ZNF410: variants seen among roughly 807,000 people sequenced by gnomAD.
ZNF410 encodes another partner for ARF 1.
In ZNF410, 18 loss-of-function variants were observed where a neutral mutation model predicts 54.8. The ratio of observed to expected loss-of-function variants is 0.33; its 90% CI spans 0.23 to 0.49. The LOEUF (loss-of-function observed/expected upper bound fraction) is 0.49. Ranked by LOEUF, ZNF410 falls within the 20% of genes least tolerant of loss-of-function variation. The pLI is 0.99. For missense variants in ZNF410, 405 were observed against 569.6 expected (o/e 0.71, Z 2.94); for synonymous variants, 191 against 207.3 (o/e 0.92, Z 0.68).
At chr14:73,912,077 G>A (rs1161987724) in intron 8 of ZNF410, among the ~76,000 whole-genome samples, 2 of 152,066 alleles carry the variant, frequency 1.3e-5, no homozygotes, top group African/African-American at 4.8e-5. Context: ...TGTCACATCA[G>A]GAAGCTCACA....
chr14:73,923,139 T>G (rs2055778982), intron 10 of ZNF410, among the ~76,000 whole-genome samples: 1 of 152,216 alleles, frequency 6.6e-6, no homozygotes, highest in Admixed American at 6.5e-5. Context: ...TCATACATAG[T>G]TTTAATTCAG....
chr14:73,901,751 C>T (rs1409104483), intron 5 of ZNF410, among the ~76,000 whole-genome samples: 2 of 150,856 alleles, frequency 1.3e-5, no homozygotes, highest in Non-Finnish European at 3.0e-5. Context: ...ATGGCAAAAC[C>T]CCATCTCTAC....
chr14:73,911,000 T>A (rs78002643), intron 8 of ZNF410, among the ~76,000 whole-genome samples: 11,802 of 152,070 alleles, frequency 0.078, 710 homozygotes, highest in African/African-American at 0.17. Context: ...TAGACTAGCC[T>A]TGTAAGTTTG....
intron 3 of ZNF410, chr14:73,894,395 G>T: frequency 1.4e-6 from 1 of 702,316 alleles, no homozygotes; most frequent in Admixed American, 2.0e-5. Context: ...GGAAAGTCAG[G>T]CTGCAGTGAC....
chr14:73,904,097 C>T lies in ZNF410; in HGVS notation c.718C>T (p.Leu240Phe). ...ATGGCCAGCTCACTTTAAATACCAC[C>T]TCAAGACTCATCGGTGAGCAAATCC... is the stretch of plus-strand genomic sequence containing the variant. ...FVWPAHFKYH[L>F]KTHRNDRSFI... The change falls in exon 6 of 12, where the codon CTC becomes TTC. Residue 240 changes from leucine to phenylalanine, a missense_variant. Physicochemically the swap from Leu to Phe is conservative, Grantham distance 22. Around this residue, in one of 3 missense-constraint regions of ZNF410, gnomAD observed 247 missense variants for 342.8 expected, o/e 0.72. Coordinates refer to ENST00000555044, the MANE Select transcript of ZNF410 (RefSeq NM_021188.3). 1 of 1,613,350 alleles carries T rather than the reference C, an allele frequency of 6.2e-7. No homozygotes were observed. The highest frequency in any genetic ancestry group is 8.5e-7 in the Non-Finnish European group (1 of 1,179,684).
rs151097129 is a variant in ZNF410, at chr14:73,926,646, G to T, written c.1398+3124G>T. ...GACGGGCTTTTACCATGTTGGCCAG[G>T]CTGGTCCCAAACTCCTGACCTCAAG... is the stretch of plus-strand genomic sequence containing the variant. On this transcript the variant is annotated intron_variant, in intron 11 of 11. Transcript: ENST00000555044. 7.2e-4 allele frequency among the ~76,000 whole-genome samples: 109 copies of T among 152,226 alleles called. 1 individual carries two copies. The highest frequency in any genetic ancestry group is 2.6e-3 in the African/African-American group (106 of 41,516).
chr14:73,892,438 A>T (rs1445468590), intron 2 of ZNF410, among the ~76,000 whole-genome samples: 1 of 151,728 alleles, frequency 6.6e-6, no homozygotes, highest in Non-Finnish European at 1.5e-5. Flanking sequence ...ATACATTTAG[A>T]TAATGTAATA....
chr14:73,925,833 A>T (rs144327034), intron 11 of ZNF410, among the ~76,000 whole-genome samples: 2,185 of 152,108 alleles, frequency 0.014, 47 homozygotes, highest in African/African-American at 0.049. Context: ...GGAGTTCAAG[A>T]CCAGCCTGGG....
At chr14:73,931,355 C>T (rs1327304847) in intron 11 of ZNF410, 148 bp from the exon 12 acceptor site, 5 of 617,096 alleles carry the variant, frequency 8.1e-6, no homozygotes, top group East Asian at 3.2e-5. Flanking sequence ...TCTATCAGTC[C>T]GTGCATGTGT....
At chr14:73,919,044 G>C (rs1168765339) in intron 8 of ZNF410, among the ~76,000 whole-genome samples, 1 of 99,864 alleles carries the variant, frequency 1.0e-5, no homozygotes, top group Admixed American at 1.5e-4. Context: ...GTCTCACTCT[G>C]GCTCAGGCTA....
chr14:73,908,423 C>T (rs1373991512), intron 7 of ZNF410, among the ~76,000 whole-genome samples: 1 of 151,796 alleles, frequency 6.6e-6, no homozygotes, highest in Non-Finnish European at 1.5e-5. Flanking sequence ...ATTGCTCATT[C>T]TTTCAATAAC....
intron 1 of ZNF410, among the ~76,000 whole-genome samples, chr14:73,888,077 G>A (rs914280058): frequency 2.8e-4 from 42 of 152,112 alleles, no homozygotes; most frequent in African/African-American, 9.7e-4. Context: ...CCTAAACAGG[G>A]CATTACAGTA....
At chr14:73,892,986 G>A (rs994085003) in intron 2 of ZNF410, among the ~76,000 whole-genome samples, 6 of 152,160 alleles carry the variant, frequency 3.9e-5, no homozygotes, top group Non-Finnish European at 8.8e-5. Context: ...GGAGGCTGAG[G>A]CAGGAGAATG....
In ZNF410 at chr14:73,905,508, A is replaced by G. The variant is rs573490057; in HGVS notation, c.913+425A>G. 43 of 155,176 alleles carry G rather than the reference A, an allele frequency of 2.8e-4. No homozygotes were observed. The South Asian group carries it at 8.7e-3, about 32-fold the overall frequency. 9.6% of individuals were successfully genotyped at this position (155,176 alleles called of 1,614,324 possible). ...GCAGGGTGGGAAAAAAATACAAAAGATAAGATATAATCCCTGACTTTCTTG... is the reference window on the plus strand; with the variant it reads ...GCAGGGTGGGAAAAAAATACAAAAGGTAAGATATAATCCCTGACTTTCTTG... On this transcript the variant is annotated intron_variant, in intron 7 of 11. Coordinates refer to ENST00000555044, the MANE Select transcript of ZNF410 (RefSeq NM_021188.3).
chr14:73,888,174 A>G (rs2055173250), intron 1 of ZNF410: 1 of 152,176 alleles, frequency 6.6e-6, no homozygotes, highest in South Asian at 2.1e-4. Context: ...TAGAATTTGC[A>G]GCTGAGTGGG....
intron 5 of ZNF410, among the ~76,000 whole-genome samples, chr14:73,901,252 T>C (rs1261898122): frequency 1.3e-5 from 2 of 152,210 alleles, no homozygotes; most frequent in African/African-American, 2.4e-5. Flanking sequence ...GCTGCTACTA[T>C]GGCAAAGCTG....
chr14:73,893,667 T>C, intron 2 of ZNF410, 130 bp from the exon 3 acceptor site: 5 of 1,001,582 alleles, frequency 5.0e-6, no homozygotes, highest in African/African-American at 1.6e-5. Flanking sequence ...TTAGATATTA[T>C]GTTGTTTAGT....
intron 8 of ZNF410, among the ~76,000 whole-genome samples, chr14:73,917,404 T>C (rs969910149): frequency 2.0e-5 from 3 of 152,202 alleles, no homozygotes; most frequent in Non-Finnish European, 4.4e-5. Flanking sequence ...CCTTCTCTTA[T>C]AGGTATAAAC....
chr14:73,924,772 G>A (rs865903281), intron 11 of ZNF410: 3 of 410,710 alleles, frequency 7.3e-6, no homozygotes, highest in South Asian at 3.6e-5. Flanking sequence ...TGCCTCCCAG[G>A]TTCAAGCGAT....
Sources: gnomAD v4.1 joint callset for allele counts (sites outside exome capture counted in the v4.1 genomes callset) on GRCh38, gnomAD v4.1.1 for gene constraint, gnomAD v4.1.1 regional missense constraint, MANE v1.5 for transcripts, NCBI Gene and HGNC (gene_info 2026-07-23, HGNC 2026-07-21) for gene names.